The following ZPBP variants were observed in gnomAD, a reference collection of about 807,000 sequenced individuals.
ZPBP encodes the protein zona pellucida-binding protein 1.
Under a neutral mutation model 44.8 loss-of-function variants are expected in ZPBP, and 26 were observed. The ratio of observed to expected loss-of-function variants is 0.58; its 90% CI spans 0.43 to 0.81. ZPBP has a LOEUF of 0.81. Among genes scored for constraint, ZPBP ranks in the 30% least tolerant of loss-of-function variants. The pLI is 0.00. For missense variants in ZPBP, 409 were observed against 434.0 expected (o/e 0.94, Z 0.51); for synonymous variants, 174 against 153.2 (o/e 1.14, Z -1.00).
At chr7:49,914,159 A>G (rs939173413) in intron 1 of ZPBP, 5 of 152,218 alleles carry the variant, frequency 3.3e-5, no homozygotes, top group African/African-American at 1.2e-4. Flanking sequence ...CCTAGCCCCC[A>G]TGGGTAGGTG....
intron 3 of ZPBP, among the ~76,000 whole-genome samples, chr7:50,069,986 C>T (rs1220344322): frequency 6.6e-6 from 1 of 152,136 alleles, no homozygotes; most frequent in Non-Finnish European, 1.5e-5. Context: ...CTCTTTCATG[C>T]CATTTCACAC....
chr7:49,911,275 A>T (rs887302024), intron 1 of ZPBP, among the ~76,000 whole-genome samples: 5 of 151,982 alleles, frequency 3.3e-5, no homozygotes, highest in Admixed American at 3.3e-4. Flanking sequence ...CGAGGTCAAG[A>T]GATCGAGACC....
chr7:49,911,223 C>A (rs1025166348), intron 1 of ZPBP, among the ~76,000 whole-genome samples: 1 of 152,070 alleles, frequency 6.6e-6, no homozygotes, highest in African/African-American at 2.4e-5. Flanking sequence ...GTGGCTTACA[C>A]CTGTAATCCC....
chr7:49,981,478 TAA>T (rs1373242252), intron 7 of ZPBP, among the ~76,000 whole-genome samples: 2 of 61,736 alleles, frequency 3.2e-5, no homozygotes, highest in Admixed American at 2.8e-4. Flanking sequence ...TAATTATATA[TAA>T]TATATATTAT....
chr7:50,000,839 C>T lies in ZPBP; in HGVS notation c.784-17320G>A, dbSNP rs149455653. On this transcript the variant is annotated intron_variant, in intron 6 of 7. Transcript: ENST00000046087. Reference sequence around the variant, plus strand: ...ATTCATATGTTGAAGCCCTAACACCCAGTACCTCAGAATGTAATGGTATTT... The same window carrying T: ...ATTCATATGTTGAAGCCCTAACACCTAGTACCTCAGAATGTAATGGTATTT... Among the ~76,000 whole-genome samples, 124 of 152,252 alleles carry T rather than the reference C, an allele frequency of 8.1e-4. 1 individual carries two copies. The highest frequency in any genetic ancestry group is 6.8e-3 in the Middle Eastern group (2 of 294).
intron 7 of ZPBP, among the ~76,000 whole-genome samples, chr7:49,979,111 C>G (rs982313942): frequency 2.0e-5 from 3 of 151,812 alleles, no homozygotes; most frequent in African/African-American, 7.3e-5. Flanking sequence ...AATTCCCCCC[C>G]ATAAACTTGA....
At chr7:50,040,227 T>C (rs1479365743) in intron 4 of ZPBP, among the ~76,000 whole-genome samples, 2 of 152,228 alleles carry the variant, frequency 1.3e-5, no homozygotes, top group African/African-American at 4.8e-5. Flanking sequence ...ACACTATATA[T>C]TGTCTACATG....
chr7:49,843,368 GAC>G, the ZPBP span, among the ~76,000 whole-genome samples: 8 of 152,172 alleles, frequency 5.3e-5, no homozygotes, highest in Non-Finnish European at 1.0e-4. Flanking sequence ...GCGAAGAGGA[GAC>G]ACAGCTCAGT....
At chr7:50,061,830 G>A (rs1270172093) in intron 3 of ZPBP, among the ~76,000 whole-genome samples, 3 of 152,206 alleles carry the variant, frequency 2.0e-5, no homozygotes, top group African/African-American at 7.2e-5. Context: ...AGAGGCAGAG[G>A]TTGCAGTGAG....
chr7:50,051,765 C>G (rs6955166), intron 4 of ZPBP, among the ~76,000 whole-genome samples: 75,289 of 151,584 alleles, frequency 0.5, 19,404 homozygotes, highest in East Asian at 0.67. Context: ...ACAATGAGAA[C>G]ACATCAACAC....
At chr7:50,092,274 G>C (rs1280566712) in intron 1 of ZPBP, among the ~76,000 whole-genome samples, 2 of 152,038 alleles carry the variant, frequency 1.3e-5, no homozygotes, top group African/African-American at 4.8e-5. Flanking sequence ...AATAATCTTT[G>C]GATTCCTGAT....
chr7:50,026,625 A>T (rs527568943), intron 5 of ZPBP, among the ~76,000 whole-genome samples: 10 of 151,942 alleles, frequency 6.6e-5, no homozygotes, highest in Admixed American at 1.3e-4. Context: ...ACTAAGATGG[A>T]CCCCAAGGTT....
intron 6 of ZPBP, among the ~76,000 whole-genome samples, chr7:50,002,639 A>G (rs1798148871): frequency 6.6e-6 from 1 of 152,222 alleles, no homozygotes; most frequent in Non-Finnish European, 1.5e-5. Flanking sequence ...CAGAAATGCT[A>G]CTTCTTAATA....
chr7:49,906,474 T>C (rs1583808103), intron 1 of ZPBP, among the ~76,000 whole-genome samples: 1 of 152,218 alleles, frequency 6.6e-6, no homozygotes, highest in East Asian at 1.9e-4. Flanking sequence ...TAGCTGGGAC[T>C]ACAGGCACCC....
intron 3 of ZPBP, among the ~76,000 whole-genome samples, chr7:50,058,692 A>T (rs1372225296): frequency 6.6e-6 from 1 of 152,174 alleles, no homozygotes; most frequent in Non-Finnish European, 1.5e-5. Context: ...AAAAAAAAAT[A>T]TTGGATATGA....
chr7:49,916,521 C>T (rs1290514618), intron 1 of ZPBP: 1 of 152,172 alleles, frequency 6.6e-6, no homozygotes, highest in Non-Finnish European at 1.5e-5. Flanking sequence ...CTTATTTTAA[C>T]ATATCATTTA....
intron 2 of ZPBP, among the ~76,000 whole-genome samples, chr7:49,877,450 G>C: frequency 2.7e-5 from 1 of 37,416 alleles, no homozygotes; most frequent in Non-Finnish European, 5.1e-5. Context: ...CAACAAGTAA[G>C]AAACTCTGTC....
Position 50,041,131 on chromosome 7 carries a change from T to C in ZPBP, c.488-9821A>G, listed in dbSNP as rs1800074965. Among the ~76,000 whole-genome samples the C allele has an allele frequency of 2.0e-5, 3 of 152,148 alleles. 1 individual carries two copies. The South Asian group carries it at 6.2e-4, about 32-fold the overall frequency. On this transcript the variant is annotated intron_variant, in intron 4 of 7. Coordinates refer to ENST00000046087, the MANE Select transcript of ZPBP (RefSeq NM_007009.3). ...AGATTCCTCTTCTCTGGGAAGGGTA[T>C]CTCTGAAAGAAAGGCAGCAGCCCCA...
intron 7 of ZPBP, among the ~76,000 whole-genome samples, chr7:49,950,589 G>T (rs1388963439): frequency 1.3e-5 from 2 of 151,500 alleles, no homozygotes; most frequent in African/African-American, 4.8e-5. Context: ...TTTTATATGT[G>T]TTAATATATG....
Sources: allele counts gnomAD v4.1 joint callset (sites outside exome capture counted in the v4.1 genomes callset), GRCh38; gene constraint gnomAD v4.1.1; transcripts MANE v1.5; gene names NCBI Gene and HGNC (gene_info 2026-07-23, HGNC 2026-07-21).